Variants in P3H2 observed in about 807,000 individuals in gnomAD.
P3H2 encodes the protein leprecan-like 1.
A neutral mutation model predicts 87.0 loss-of-function variants in P3H2; 80 were observed. The observed-to-expected ratio is 0.92, with a 90% CI of 0.77 to 1.11. The LOEUF is 1.11. P3H2 is among the 50% of genes least tolerant of loss of function. P3H2 has a pLI of 0.00. For missense variants in P3H2, 1,001 were observed against 923.9 expected, an observed-to-expected ratio of 1.08 and a Z score of -1.08; for synonymous variants, 367 against 359.3, an observed-to-expected ratio of 1.02 and a Z score of -0.24.
Position 189,957,468 on chromosome 3 carries a change from TGTGTGTGTG to T in P3H2, c.*435_*443del. On this transcript the variant is annotated 3_prime_UTR_variant, in exon 15 of 15. Coordinates refer to ENST00000319332, the MANE Select transcript of P3H2 (RefSeq NM_018192.4). ...GTGTGTGTGTGTGTGTGTGTGTGTG[TGTGTGTGTG>T]TGTTTGGGGGAGGAGGTGAACTGGG... is the stretch of plus-strand genomic sequence containing the variant. 1 of 387,450 alleles carries T rather than the reference TGTGTGTGTG, an allele frequency of 2.6e-6. No homozygotes were observed. Among genetic ancestry groups the T allele is most frequent in the Non-Finnish European group, 4.6e-6 (1 of 219,594 alleles). 24.0% of individuals were successfully genotyped at this position (387,450 alleles called of 1,614,324 possible). A position where few individuals can be genotyped will look rare whatever the true frequency, so the allele number is the denominator to read the frequency against.
chr3:190,006,495 A>G (rs1724392541), intron 1 of P3H2, among the ~76,000 whole-genome samples: 1 of 152,250 alleles, frequency 6.6e-6, no homozygotes, highest in Non-Finnish European at 1.5e-5. Flanking sequence ...ATAGATGACA[A>G]GTGTCTGAGG....
intron 10 of P3H2, 38 bp downstream of exon 10, chr3:189,973,871 A>G (rs113404260): frequency 6.9e-7 from 1 of 1,452,710 alleles, no homozygotes; most frequent in Non-Finnish European, 9.7e-7. Flanking sequence ...TTAGGCTGAC[A>G]CTAAGGAACT....
intron 1 of P3H2, among the ~76,000 whole-genome samples, chr3:190,040,238 A>G (rs1260617191): frequency 6.6e-6 from 1 of 152,214 alleles, no homozygotes; most frequent in Non-Finnish European, 1.5e-5. Context: ...GGAGATTTGA[A>G]AAACCTGGGA....
intron 1 of P3H2, among the ~76,000 whole-genome samples, chr3:190,039,608 T>C (rs973962736): frequency 6.6e-6 from 1 of 152,234 alleles, no homozygotes; most frequent in African/African-American, 2.4e-5. Flanking sequence ...GATATAAAGA[T>C]AGGGAAAACA....
chr3:190,059,403 T>C (rs1428953758), intron 1 of P3H2, among the ~76,000 whole-genome samples: 1 of 151,858 alleles, frequency 6.6e-6, no homozygotes, highest in East Asian at 1.9e-4. Flanking sequence ...CACAGCATTG[T>C]CATACAACAC....
intron 1 of P3H2, among the ~76,000 whole-genome samples, chr3:190,097,937 C>T (rs558080633): frequency 3.3e-5 from 5 of 152,116 alleles, no homozygotes; most frequent in Admixed American, 2.0e-4. Flanking sequence ...TTTATGTAAG[C>T]GCAATAGCAT....
At chr3:190,026,498 A>G (rs1315828546) in intron 1 of P3H2, among the ~76,000 whole-genome samples, 6 of 152,034 alleles carry the variant, frequency 3.9e-5, no homozygotes, top group Non-Finnish European at 7.3e-5. Flanking sequence ...TCACTGCTAC[A>G]CTCCCACCAG....
intron 1 of P3H2, among the ~76,000 whole-genome samples, chr3:190,049,151 A>T (rs1419154456): frequency 6.6e-6 from 1 of 152,248 alleles, no homozygotes; most frequent in Non-Finnish European, 1.5e-5. Context: ...CTGCATGTTC[A>T]TAAATCTTGC....
chr3:189,966,093 A>G (rs1264097214), intron 13 of P3H2, among the ~76,000 whole-genome samples: 72 of 129,174 alleles, frequency 5.6e-4, no homozygotes, highest in African/African-American at 2.4e-3. Flanking sequence ...GAAGAAAGAA[A>G]GAAAGAAAGA....
At chr3:189,983,264 T>C (rs1723594084) in intron 7 of P3H2, 124 bp from the exon 8 acceptor site, 3 of 738,430 alleles carry the variant, frequency 4.1e-6, no homozygotes, top group South Asian at 1.7e-5. Context: ...CAAGTTCACC[T>C]GTCTTTTAAA....
intron 1 of P3H2, among the ~76,000 whole-genome samples, chr3:190,110,637 C>T (rs1191259916): frequency 6.6e-6 from 1 of 152,140 alleles, no homozygotes; most frequent in Non-Finnish European, 1.5e-5. Context: ...CTGGATTAGT[C>T]TTTGATACTA....
At chr3:190,045,612 A>C (rs1232092321) in intron 1 of P3H2, among the ~76,000 whole-genome samples, 2 of 152,146 alleles carry the variant, frequency 1.3e-5, no homozygotes, top group Non-Finnish European at 2.9e-5. Flanking sequence ...CACCAATATA[A>C]GTGTTTCTTT....
intron 1 of P3H2, among the ~76,000 whole-genome samples, chr3:190,082,923 CA>C (rs1193086200): frequency 2.0e-5 from 3 of 151,934 alleles, no homozygotes; most frequent in Admixed American, 2.0e-4. Flanking sequence ...TATTTATAAA[CA>C]AAAATAAAAT....
chr3:190,002,856 C>T (rs777194401), intron 1 of P3H2, among the ~76,000 whole-genome samples: 3 of 152,190 alleles, frequency 2.0e-5, no homozygotes, highest in Non-Finnish European at 2.9e-5. Flanking sequence ...AAAATATATA[C>T]TCCCATAGTA....
chr3:190,019,930 G>A (rs1724887643), intron 1 of P3H2, among the ~76,000 whole-genome samples: 1 of 130,192 alleles, frequency 7.7e-6, no homozygotes, highest in Admixed American at 8.1e-5. Context: ...TGCTTCAGAA[G>A]AGTAGGCATT....
rs758928478 is a variant in P3H2, at chr3:189,986,820, C to G, written c.1156G>C (p.Ala386Pro). 2 of 1,612,184 alleles carry G rather than the reference C, an allele frequency of 1.2e-6. No homozygotes were observed. Among genetic ancestry groups the G allele is most frequent in the Non-Finnish European group, 1.7e-6 (2 of 1,178,282 alleles). Residue 386 changes from alanine (A) to proline (P), a missense_variant, in exon 6 of 15, where the codon GCA becomes CCA. Ala to Pro is a conservative substitution (Grantham distance 27). Coordinates refer to ENST00000319332, the MANE Select transcript of P3H2 (RefSeq NM_018192.4). ...GTGTATGAAAACCCCAGACCTTCTGCAGCTGATTTTATCAGCTCAGACTCC... is the reference window on the plus strand; with the variant it reads ...GTGTATGAAAACCCCAGACCTTCTGGAGCTGATTTTATCAGCTCAGACTCC... ...KLESELIKSA[A>P]EGLGFSYTEP...
chr3:190,043,032 G>A (rs1312000075), intron 1 of P3H2, among the ~76,000 whole-genome samples: 1 of 152,078 alleles, frequency 6.6e-6, no homozygotes, highest in Non-Finnish European at 1.5e-5. Context: ...TACCATACAT[G>A]GCCTATTAGC....
At chr3:190,116,106 C>A (rs1019650604) in intron 1 of P3H2, among the ~76,000 whole-genome samples, 1 of 151,934 alleles carries the variant, frequency 6.6e-6, no homozygotes, top group African/African-American at 2.4e-5. Context: ...AGAAGAGGAA[C>A]AAAATTGTTA....
chr3:190,100,651 C>G (rs1276001308), intron 1 of P3H2, among the ~76,000 whole-genome samples: 1 of 152,112 alleles, frequency 6.6e-6, no homozygotes, highest in Non-Finnish European at 1.5e-5. Flanking sequence ...TTCTATATTC[C>G]TCACTCTAAT....
Sources: gnomAD v4.1 joint callset for allele counts (sites outside exome capture counted in the v4.1 genomes callset) on GRCh38, gnomAD v4.1.1 for gene constraint, MANE v1.5 for transcripts, NCBI Gene and HGNC (gene_info 2026-07-23, HGNC 2026-07-21) for gene names.